The following MALRD1 variants were observed in gnomAD, a reference collection of about 807,000 sequenced individuals.
MALRD1 encodes the protein MAM and LDL-receptor class A domain-containing protein 1.
MALRD1 carries 247 observed loss-of-function variants against 242.1 expected under a neutral mutation model. That is an observed-to-expected ratio of 1.02 (90% CI 0.92 to 1.13). MALRD1 has a LOEUF of 1.13. MALRD1 is among the 50% of genes most tolerant of loss of function. MALRD1 has a pLI of 0.00. For missense variants in MALRD1, 2,989 were observed against 2,533.1 expected, an observed-to-expected ratio of 1.18 and a Z score of -3.86; for synonymous variants, 995 against 866.6, an observed-to-expected ratio of 1.15 and a Z score of -2.60.
chr10:19,465,674 G>T (rs1836185937), intron 29 of MALRD1, among the ~76,000 whole-genome samples: 3 of 152,064 alleles, frequency 2.0e-5, no homozygotes. Context: ...ATGACCACAG[G>T]TGCATGTGCC....
intron 10 of MALRD1, among the ~76,000 whole-genome samples, chr10:19,145,295 T>C (rs1218092894): frequency 6.6e-6 from 1 of 152,124 alleles, no homozygotes; most frequent in Non-Finnish European, 1.5e-5. Context: ...CCAGTTCTTT[T>C]ATGATAAATG....
At chr10:19,069,130 T>G (rs1206299535) in intron 2 of MALRD1, among the ~76,000 whole-genome samples, 1 of 152,074 alleles carries the variant, frequency 6.6e-6, no homozygotes, top group Non-Finnish European at 1.5e-5. Context: ...TTTAAATGTA[T>G]AATTCACTTT....
intron 18 of MALRD1, among the ~76,000 whole-genome samples, chr10:19,239,713 A>T (rs762599932): frequency 5.3e-5 from 8 of 152,172 alleles, no homozygotes; most frequent in Non-Finnish European, 8.8e-5. Flanking sequence ...ATTATCCCAC[A>T]TGTAGATATC....
chr10:19,542,021 A>C (rs897624389), intron 32 of MALRD1, among the ~76,000 whole-genome samples: 2 of 152,198 alleles, frequency 1.3e-5, no homozygotes, highest in Admixed American at 1.3e-4. Flanking sequence ...TTCAAAATAG[A>C]CTTTCTTTTC....
intron 36 of MALRD1, among the ~76,000 whole-genome samples, chr10:19,661,205 A>C (rs185022164): frequency 1.3e-5 from 2 of 152,324 alleles, no homozygotes; most frequent in African/African-American, 4.8e-5. Context: ...AACTAGTTCA[A>C]CCATTGTGGA....
intron 32 of MALRD1, among the ~76,000 whole-genome samples, chr10:19,536,084 C>T (rs1418855503): frequency 6.6e-6 from 1 of 152,178 alleles, no homozygotes; most frequent in African/African-American, 2.4e-5. Context: ...TATGCATTCC[C>T]TGCCCTTCCA....
At chr10:19,698,960 G>A (rs1364880889) in intron 38 of MALRD1, among the ~76,000 whole-genome samples, 1 of 151,942 alleles carries the variant, frequency 6.6e-6, no homozygotes, top group Non-Finnish European at 1.5e-5. Flanking sequence ...ACCAAACACC[G>A]CATGTTCTTA....
chr10:19,196,314 A>G (rs963176897), intron 14 of MALRD1, among the ~76,000 whole-genome samples: 4 of 152,200 alleles, frequency 2.6e-5, no homozygotes, highest in South Asian at 2.1e-4. Flanking sequence ...AAAAGAATTC[A>G]CTGTATTCAC....
At chr10:19,199,818 A>T (rs200413098) in intron 14 of MALRD1, among the ~76,000 whole-genome samples, 12 of 151,508 alleles carry the variant, frequency 7.9e-5, no homozygotes, top group East Asian at 3.9e-4. Context: ...ATAAATAAAT[A>T]AAATAAAATA....
chr10:19,240,709 A>G lies in MALRD1; in HGVS notation c.2992-16975A>G, dbSNP rs1318203587. Among the ~76,000 whole-genome samples the G allele has an allele frequency of 2.0e-5, 3 of 152,238 alleles. No individual in the cohort carries two copies. The East Asian group carries it at 5.8e-4, about 29-fold the overall frequency. On this transcript the variant is annotated intron_variant, in intron 18 of 39. Transcript: ENST00000454679. The stretch of plus-strand genomic sequence containing the variant: ...AAGATGTTAGCTGTGGGTTTGTCAC[A>G]TATGGCCTTTACTGCATTGAGGTAC...
At chr10:19,607,706 G>T in intron 34 of MALRD1, 71 bp from the exon 35 acceptor site, 1 of 1,497,708 alleles carries the variant, frequency 6.7e-7, no homozygotes, top group Non-Finnish European at 8.9e-7. Context: ...ATGTTATTTT[G>T]TTGTGAGAAT....
chr10:19,244,998 G>T (rs867171219), intron 18 of MALRD1, among the ~76,000 whole-genome samples: 6 of 152,134 alleles, frequency 3.9e-5, no homozygotes, highest in Non-Finnish European at 1.5e-5. Flanking sequence ...TTACGTTACA[G>T]TAACTCATGA....
At chr10:19,665,240 G>C (rs938275174) in intron 36 of MALRD1, among the ~76,000 whole-genome samples, 2 of 152,000 alleles carry the variant, frequency 1.3e-5, no homozygotes, top group Admixed American at 6.6e-5. Flanking sequence ...GAAGTGACAA[G>C]ACAAAACAAA....
intron 36 of MALRD1, among the ~76,000 whole-genome samples, chr10:19,685,167 T>C (rs1313010173): frequency 6.6e-6 from 1 of 152,250 alleles, no homozygotes; most frequent in Non-Finnish European, 1.5e-5. Flanking sequence ...TTTTTTACTT[T>C]CTAGGTCTGG....
At chr10:19,434,905 G>C (rs1216628115) in intron 28 of MALRD1, among the ~76,000 whole-genome samples, 1 of 151,232 alleles carries the variant, frequency 6.6e-6, no homozygotes, top group Non-Finnish European at 1.5e-5. Context: ...AGGTTTAATT[G>C]ATAAAATATG....
chr10:19,072,784 G>T (rs1337731190), intron 2 of MALRD1, among the ~76,000 whole-genome samples: 2 of 151,856 alleles, frequency 1.3e-5, no homozygotes, highest in Non-Finnish European at 2.9e-5. Flanking sequence ...TTCAATTAAG[G>T]GGGAAATTTT....
intron 5 of MALRD1, among the ~76,000 whole-genome samples, chr10:19,107,279 A>G (rs993230858): frequency 6.6e-6 from 1 of 151,968 alleles, no homozygotes; most frequent in Admixed American, 6.5e-5. Flanking sequence ...TATACATCTA[A>G]TAATGTTTGC....
chr10:19,278,766 GACAC>G (rs1227620073), intron 19 of MALRD1, among the ~76,000 whole-genome samples: 1 of 152,030 alleles, frequency 6.6e-6, no homozygotes, highest in African/African-American at 2.4e-5. Context: ...GAGAAGGAAA[GACAC>G]ACACACAATA....
At chr10:19,526,041 C>T (rs1018856681) in intron 31 of MALRD1, among the ~76,000 whole-genome samples, 1 of 152,020 alleles carries the variant, frequency 6.6e-6, no homozygotes, top group East Asian at 1.9e-4. Context: ...TCTAAATATG[C>T]TGTGGCAGTT....
Sources: gnomAD v4.1 joint callset for allele counts (sites outside exome capture counted in the v4.1 genomes callset) on GRCh38, gnomAD v4.1.1 for gene constraint, MANE v1.5 for transcripts, NCBI Gene and HGNC (gene_info 2026-07-23, HGNC 2026-07-21) for gene names.